GPM6A: variants seen among roughly 807,000 people sequenced by gnomAD.
GPM6A encodes the protein neuronal membrane glycoprotein M6-a.
In GPM6A, 7 loss-of-function variants were observed where a neutral mutation model predicts 32.1. That is an observed-to-expected ratio of 0.22 (90% confidence interval 0.12 to 0.41). The LOEUF (loss-of-function observed/expected upper bound fraction) is 0.41. GPM6A is among the 10% of genes least tolerant of loss of function. The probability of loss-of-function intolerance (pLI) is 1.00; values close to 1 mark genes in which losing one functional copy is unlikely to be tolerated. For synonymous variants in GPM6A, 130 were observed against 123.4 expected (o/e 1.05, Z -0.35); for missense variants, 235 against 347.2 (o/e 0.68, Z 2.57).
At chr4:175,863,054 T>C (rs548320774) in intron 1 of GPM6A, among the ~76,000 whole-genome samples, 7 of 152,304 alleles carry the variant, frequency 4.6e-5, no homozygotes, top group South Asian at 2.1e-4. Context: ...GGTGATTGTA[T>C]TGAGTAGACA....
intron 2 of GPM6A, among the ~76,000 whole-genome samples, chr4:175,679,318 A>G (rs954810495): frequency 6.6e-6 from 1 of 152,126 alleles, no homozygotes; most frequent in African/African-American, 2.4e-5. Flanking sequence ...CTTGGCTAGA[A>G]TACTATACAA....
rs1186087188 is a variant in GPM6A at position 175,990,322 on chromosome 4, T to C, written c.-23+11987A>G. On this transcript the variant is annotated intron_variant, in intron 1 of 7. Coordinates refer to the GPM6A transcript ENST00000280187. ...TCCAGCTGCTCGTCAAGATACTCATTCAGAAAGCTTCTCTTGATGACTGCA... is the reference window on the plus strand; with the variant it reads ...TCCAGCTGCTCGTCAAGATACTCATCCAGAAAGCTTCTCTTGATGACTGCA... Among the ~76,000 whole-genome samples the C allele has an allele frequency of 4.6e-5, 7 of 152,304 alleles. No individual in the cohort carries two copies. The East Asian group carries it at 9.6e-4, about 21-fold the overall frequency.
At chr4:175,727,215 C>T (rs1731205008) in intron 1 of GPM6A, among the ~76,000 whole-genome samples, 4 of 152,124 alleles carry the variant, frequency 2.6e-5, no homozygotes, top group African/African-American at 7.2e-5. Flanking sequence ...TTGAAACACA[C>T]TTTCAAATAA....
At chr4:175,699,405 A>G (rs1166636514) in intron 2 of GPM6A, among the ~76,000 whole-genome samples, 3 of 152,176 alleles carry the variant, frequency 2.0e-5, no homozygotes, top group Non-Finnish European at 4.4e-5. Context: ...TAAACTGTCT[A>G]CTAATGCTTA....
intron 1 of GPM6A, among the ~76,000 whole-genome samples, chr4:175,862,030 T>C (rs1736591030): frequency 6.6e-6 from 1 of 152,210 alleles, no homozygotes; most frequent in Non-Finnish European, 1.5e-5. Flanking sequence ...TGTACATTAA[T>C]TCAAGGCAGA....
intron 6 of GPM6A, among the ~76,000 whole-genome samples, chr4:175,637,716 T>A (rs1190578410): frequency 3.2e-5 from 2 of 62,964 alleles, no homozygotes; most frequent in African/African-American, 6.7e-5. Flanking sequence ...TATATATATT[T>A]ATATATAATA....
Position 175,673,832 on chromosome 4 carries a change from C to T in GPM6A, c.235G>A (p.Asp79Asn), listed in dbSNP as rs1743216632. 2 of 1,589,488 alleles carry T rather than the reference C, an allele frequency of 1.3e-6. No individual in the cohort carries two copies. The highest frequency in any genetic ancestry group is 2.7e-5 in the African/African-American group (2 of 74,604). The change falls in exon 3 of 7, where the codon GAC becomes AAC. Residue 79 changes from aspartate (D) to asparagine (N), a missense_variant. Physicochemically the swap from Asp to Asn is conservative, Grantham distance 23 (BLOSUM62 1). Transcript: ENST00000393658. ...GDTLDVFTMI[D>N]IFKYVIYGIA... Reference sequence around the variant, plus strand: ...CCGTAGATCACATACTTAAAGATGTCAATCCTGAGAGAAAAGACAAAGTGA... The same window carrying T: ...CCGTAGATCACATACTTAAAGATGTTAATCCTGAGAGAAAAGACAAAGTGA...
At chr4:175,993,359 C>G (rs1488035601) in intron 1 of GPM6A, among the ~76,000 whole-genome samples, 3 of 152,066 alleles carry the variant, frequency 2.0e-5, no homozygotes, top group Non-Finnish European at 4.4e-5. Flanking sequence ...GTAGGTCACT[C>G]ACTTCTTAAA....
chr4:175,668,159 A>T (rs1742852649), intron 3 of GPM6A, among the ~76,000 whole-genome samples: 1 of 151,926 alleles, frequency 6.6e-6, no homozygotes, highest in African/African-American at 2.4e-5. Flanking sequence ...TTTCTTATTT[A>T]TTTCTTCCTA....
At chr4:175,827,332 A>T (rs954550622) in intron 1 of GPM6A, among the ~76,000 whole-genome samples, 23 of 152,196 alleles carry the variant, frequency 1.5e-4, no homozygotes, top group African/African-American at 5.5e-4. Flanking sequence ...ATATATGCCA[A>T]CCGCAGGTCT....
intron 1 of GPM6A, among the ~76,000 whole-genome samples, chr4:175,996,916 A>T (rs1220854813): frequency 6.6e-6 from 1 of 151,928 alleles, no homozygotes; most frequent in Non-Finnish European, 1.5e-5. Context: ...GGGATTTCTG[A>T]TGCTAGATCA....
chr4:175,766,711 G>C (rs1389136066), intron 1 of GPM6A, among the ~76,000 whole-genome samples: 1 of 145,444 alleles, frequency 6.9e-6, no homozygotes. Flanking sequence ...CTGGAGTGCA[G>C]TGGCGTGATC....
In GPM6A at chr4:175,637,304, T is replaced by A. The variant is rs1579324336; in HGVS notation, c.685-2247A>T. Among the ~76,000 whole-genome samples the A allele has an allele frequency of 2.1e-4, 8 of 38,952 alleles. 1 individual carries two copies. The highest frequency in any genetic ancestry group is 2.6e-4 in the Non-Finnish European group (6 of 22,960). 25.6% of individuals were successfully genotyped at this position (38,952 alleles called of 152,430 possible). On this transcript the variant is annotated intron_variant, in intron 6 of 6. Transcript: ENST00000393658. ...TATTATATAAAATATATATTATATA[T>A]TATATATAATATAAAATATATATTA...
intron 3 of GPM6A, among the ~76,000 whole-genome samples, chr4:175,660,604 C>T (rs1185058627): frequency 6.6e-6 from 1 of 151,928 alleles, no homozygotes; most frequent in Admixed American, 6.6e-5. Flanking sequence ...AAAAAGTGTA[C>T]ACTAATATAA....
At chr4:175,905,127 T>C (rs1738089405) in intron 1 of GPM6A, among the ~76,000 whole-genome samples, 1 of 152,084 alleles carries the variant, frequency 6.6e-6, no homozygotes, top group African/African-American at 2.4e-5. Flanking sequence ...AGTGACAAGA[T>C]GAAGGAAAAC....
intron 1 of GPM6A, among the ~76,000 whole-genome samples, chr4:175,788,404 C>G (rs1368221138): frequency 1.3e-5 from 2 of 152,086 alleles, no homozygotes; most frequent in Non-Finnish European, 2.9e-5. Context: ...TTTAAATTGG[C>G]AAGGTATATT....
At chr4:175,890,589 CAG>C (rs1182325247) in intron 1 of GPM6A, among the ~76,000 whole-genome samples, 3 of 150,910 alleles carry the variant, frequency 2.0e-5, no homozygotes, top group African/African-American at 4.9e-5. Flanking sequence ...TTTATTGAGA[CAG>C]AGTCTTGCTC....
chr4:175,686,350 T>C (rs1743980580), intron 2 of GPM6A, among the ~76,000 whole-genome samples: 1 of 152,214 alleles, frequency 6.6e-6, no homozygotes, highest in Non-Finnish European at 1.5e-5. Context: ...CACCTATGAA[T>C]ATTACTTAAC....
At chr4:175,675,602 T>C (rs77404149) in intron 2 of GPM6A, among the ~76,000 whole-genome samples, 4,377 of 152,260 alleles carry the variant, frequency 0.029, 81 homozygotes, top group Non-Finnish European at 0.039. Context: ...ATTTCCTTCA[T>C]AATTAAGATT....
Sources: allele counts gnomAD v4.1 joint callset (sites outside exome capture counted in the v4.1 genomes callset), GRCh38; gene constraint gnomAD v4.1.1; transcripts MANE v1.5; gene names NCBI Gene and HGNC (gene_info 2026-07-23, HGNC 2026-07-21).